Variants in PDZRN4 observed in about 807,000 individuals in gnomAD.
PDZRN4 encodes the protein PDZ domain-containing RING finger protein 4.
A neutral mutation model predicts 99.0 loss-of-function variants in PDZRN4; 70 were observed. That is an observed-to-expected ratio of 0.71 (90% CI 0.58 to 0.86). The LOEUF (loss-of-function observed/expected upper bound fraction) is 0.86, where lower values mean the gene tolerates loss of function less well. Among genes scored for constraint, PDZRN4 ranks in the 40% least tolerant of loss-of-function variants. The pLI is 0.00. For missense variants in PDZRN4, 1,474 were observed against 1,331.2 expected, an observed-to-expected ratio of 1.11 and a Z score of -1.67; for synonymous variants, 551 against 501.6, an observed-to-expected ratio of 1.10 and a Z score of -1.32.
intron 3 of PDZRN4, among the ~76,000 whole-genome samples, chr12:41,255,252 C>A (rs1187509377): frequency 6.6e-6 from 1 of 151,938 alleles, no homozygotes; most frequent in African/African-American, 2.4e-5. Flanking sequence ...AACAGGGCAG[C>A]CAGATCATGC....
At chr12:41,192,509 C>T (rs1010757536) in intron 2 of PDZRN4, among the ~76,000 whole-genome samples, 4 of 152,108 alleles carry the variant, frequency 2.6e-5, no homozygotes, top group African/African-American at 7.2e-5. Flanking sequence ...TTTTATTGTC[C>T]TTTTGGCAAA....
At chr12:41,275,313 C>T (rs544779002) in intron 3 of PDZRN4, among the ~76,000 whole-genome samples, 1 of 152,126 alleles carries the variant, frequency 6.6e-6, no homozygotes, top group Non-Finnish European at 1.5e-5. Context: ...GCTCATTTTT[C>T]TTCATAATGC....
At chr12:41,555,881 A>G in intron 7 of PDZRN4, 121 bp downstream of exon 7, 1 of 751,030 alleles carries the variant, frequency 1.3e-6, no homozygotes, top group Non-Finnish European at 2.2e-6. Context: ...TAACATCTAC[A>G]AAACCAAAAA....
In PDZRN4 at chr12:41,548,540, G is replaced by A. The variant is rs977725861; in HGVS notation, c.1204-4116G>A. 2.6e-5 allele frequency among the ~76,000 whole-genome samples: 4 copies of A among 152,100 alleles called. No homozygotes were observed. In the East Asian group the frequency reaches 5.8e-4, roughly 22 times the overall value. On this transcript the variant is annotated intron_variant, in intron 5 of 9. Transcript: ENST00000402685. The stretch of plus-strand genomic sequence containing the variant: ...TCCCCTGTTGTCAACTGATATAAAC[G>A]GCTAGCGTGTCTAGCCCTAGCTCTT...
intron 3 of PDZRN4, among the ~76,000 whole-genome samples, chr12:41,463,098 T>C (rs1338800620): frequency 6.6e-6 from 1 of 152,196 alleles, no homozygotes; most frequent in Non-Finnish European, 1.5e-5. Flanking sequence ...TCCAACTATC[T>C]ACAAAATCAC....
chr12:41,482,198 G>T (rs534352343), intron 3 of PDZRN4, among the ~76,000 whole-genome samples: 8 of 152,030 alleles, frequency 5.3e-5, no homozygotes. Context: ...ACATCTTCAC[G>T]CAGCAAAACC....
chr12:41,386,176 G>A (rs550606014), intron 3 of PDZRN4, among the ~76,000 whole-genome samples: 12 of 152,164 alleles, frequency 7.9e-5, no homozygotes, highest in Admixed American at 5.9e-4. Context: ...AAAATAATAA[G>A]AGCCATCTAT....
intron 5 of PDZRN4, among the ~76,000 whole-genome samples, chr12:41,547,487 G>A (rs145308417): frequency 2.4e-4 from 37 of 152,124 alleles, no homozygotes; most frequent in African/African-American, 8.2e-4. Context: ...TTAGCCAGGG[G>A]TGGTGGCAGG....
chr12:41,560,563 T>C (rs1939251954), intron 7 of PDZRN4, among the ~76,000 whole-genome samples: 1 of 152,172 alleles, frequency 6.6e-6, no homozygotes, highest in African/African-American at 2.4e-5. Context: ...TGGTTCTCTT[T>C]CCCTCTATTT....
At chr12:41,480,693 T>A (rs547660671) in intron 3 of PDZRN4, among the ~76,000 whole-genome samples, 4 of 152,150 alleles carry the variant, frequency 2.6e-5, no homozygotes, top group African/African-American at 9.7e-5. Context: ...TATTTTATAA[T>A]TTCTTACCTT....
At chr12:41,382,443 A>C (rs1952134696) in intron 3 of PDZRN4, among the ~76,000 whole-genome samples, 1 of 152,174 alleles carries the variant, frequency 6.6e-6, no homozygotes, top group Non-Finnish European at 1.5e-5. Flanking sequence ...CTGGAGTATA[A>C]GTTCTTTCAT....
intron 3 of PDZRN4, among the ~76,000 whole-genome samples, chr12:41,372,327 A>G (rs1952047947): frequency 6.6e-6 from 1 of 152,152 alleles, no homozygotes; most frequent in Non-Finnish European, 1.5e-5. Context: ...GTTATGCTAG[A>G]CTTTGGTAAT....
chr12:41,225,151 T>G (rs781435466), intron 3 of PDZRN4, among the ~76,000 whole-genome samples: 2 of 152,104 alleles, frequency 1.3e-5, no homozygotes, highest in Non-Finnish European at 2.9e-5. Context: ...TATCAAGAAA[T>G]AGTACATTAT....
intron 3 of PDZRN4, among the ~76,000 whole-genome samples, chr12:41,415,978 GACAC>G: frequency 6.6e-6 from 1 of 152,170 alleles, no homozygotes; most frequent in South Asian, 2.1e-4. Flanking sequence ...GTCTAGCTAG[GACAC>G]ACAGGACCTA....
chr12:41,219,897 T>G (rs1591973054), intron 3 of PDZRN4, among the ~76,000 whole-genome samples: 1 of 152,112 alleles, frequency 6.6e-6, no homozygotes, highest in East Asian at 1.9e-4. Context: ...TTGGGAAAAT[T>G]TTGGCGACTC....
At chr12:41,401,127 A>C (rs972409714) in intron 3 of PDZRN4, among the ~76,000 whole-genome samples, 6 of 152,194 alleles carry the variant, frequency 3.9e-5, no homozygotes, top group Non-Finnish European at 8.8e-5. Context: ...TTTTCTGTGT[A>C]AATGTTACAA....
intron 3 of PDZRN4, among the ~76,000 whole-genome samples, chr12:41,360,074 T>G (rs1951954103): frequency 6.6e-6 from 1 of 152,014 alleles, no homozygotes; most frequent in Non-Finnish European, 1.5e-5. Context: ...TACATTTGGT[T>G]AAGATTGTTG....
At chr12:41,477,097 C>T (rs1937611213) in intron 3 of PDZRN4, among the ~76,000 whole-genome samples, 1 of 152,194 alleles carries the variant, frequency 6.6e-6, no homozygotes, top group East Asian at 1.9e-4. Context: ...ACCTAACTCT[C>T]ACCCTTCCTC....
At chr12:41,454,611 T>A (rs1952803159) in intron 3 of PDZRN4, among the ~76,000 whole-genome samples, 1 of 152,188 alleles carries the variant, frequency 6.6e-6, no homozygotes. Flanking sequence ...TAAGAAACAT[T>A]CTTCCGGTGT....
Sources: gnomAD v4.1 joint callset for allele counts (sites outside exome capture counted in the v4.1 genomes callset) on GRCh38, gnomAD v4.1.1 for gene constraint, MANE v1.5 for transcripts, NCBI Gene and HGNC (gene_info 2026-07-23, HGNC 2026-07-21) for gene names.